The following POFUT3 variants were observed in gnomAD, a reference collection of about 807,000 sequenced individuals.
POFUT3 encodes the protein protein O-fucosyltransferase 3.
At chr8:33,320,815 C>G in the POFUT3 span, among the ~76,000 whole-genome samples, 1 of 152,070 alleles carries the variant, frequency 6.6e-6, no homozygotes, top group Admixed American at 6.6e-5. Flanking sequence ...GAAAACCAAG[C>G]ATTCCAGGAG....
chr8:33,311,600 T>C, the POFUT3 span, among the ~76,000 whole-genome samples: 1 of 152,198 alleles, frequency 6.6e-6, no homozygotes, highest in South Asian at 2.1e-4. Context: ...TATTTTTATG[T>C]TAATGTCGGT....
At chr8:33,453,510 C>A in the POFUT3 span, 1 of 1,590,922 alleles carries the variant, frequency 6.3e-7, no homozygotes. Flanking sequence ...TCAACCATGA[C>A]CTAAAAGAGA....
chr8:33,369,155 T>G, the POFUT3 span, among the ~76,000 whole-genome samples: 1 of 152,224 alleles, frequency 6.6e-6, no homozygotes, highest in South Asian at 2.1e-4. Flanking sequence ...AAGCATCTAT[T>G]GAGCAAAGTG....
the POFUT3 span, among the ~76,000 whole-genome samples, chr8:33,344,136 G>A: frequency 6.6e-6 from 1 of 152,138 alleles, no homozygotes; most frequent in Non-Finnish European, 1.5e-5. Context: ...AAAATTTCCA[G>A]GGGTAATCAC....
At chr8:33,451,535 CATATGTATGCATAA>C in the POFUT3 span, among the ~76,000 whole-genome samples, 1 of 150,938 alleles carries the variant, frequency 6.6e-6, no homozygotes, top group South Asian at 2.1e-4. Flanking sequence ...TATGCATATG[CATATGTATGCATAA>C]ATGTGTATGT....
At chr8:33,418,221 A>G in the POFUT3 span, among the ~76,000 whole-genome samples, 1 of 152,150 alleles carries the variant, frequency 6.6e-6, no homozygotes, top group Non-Finnish European at 1.5e-5. Flanking sequence ...TGAGCCACAG[A>G]CAATGATCCC....
the POFUT3 span, among the ~76,000 whole-genome samples, chr8:33,319,950 T>C: frequency 2.0e-5 from 3 of 149,988 alleles, no homozygotes; most frequent in Admixed American, 1.4e-4. Flanking sequence ...GAATTCATGA[T>C]TCATGGAATG....
the POFUT3 span, among the ~76,000 whole-genome samples, chr8:33,319,008 T>C: frequency 2.2e-5 from 1 of 44,996 alleles, no homozygotes; most frequent in African/African-American, 1.3e-4. Context: ...TTTACATATA[T>C]TTATATAATA....
At chr8:33,381,526 A>T in the POFUT3 span, among the ~76,000 whole-genome samples, 1 of 152,334 alleles carries the variant, frequency 6.6e-6, no homozygotes, top group Non-Finnish European at 1.5e-5. Context: ...CAAAGAAAGG[A>T]CATGTAAGGT....
At chr8:33,434,844 G>A in the POFUT3 span, among the ~76,000 whole-genome samples, 2 of 152,322 alleles carry the variant, frequency 1.3e-5, no homozygotes, top group East Asian at 1.9e-4. Context: ...ACAGGGCCTT[G>A]TTGCCTCCTG....
chr8:33,377,231 CAA>C, the POFUT3 span, among the ~76,000 whole-genome samples: 13 of 103,472 alleles, frequency 1.3e-4, no homozygotes, highest in Non-Finnish European at 4.1e-5. Flanking sequence ...GACTCTGTCT[CAA>C]AAAAAAAAAA....
At chr8:33,399,274 T>C in the POFUT3 span, among the ~76,000 whole-genome samples, 1 of 152,246 alleles carries the variant, frequency 6.6e-6, no homozygotes, top group Non-Finnish European at 1.5e-5. Flanking sequence ...GTACTTATTC[T>C]TTCAATTACT....
At chr8:33,309,377 T>TGTGTGTGTGTGTGTGTG in the POFUT3 span, among the ~76,000 whole-genome samples, 414 of 146,242 alleles carry the variant, frequency 2.8e-3, 1 homozygote, top group African/African-American at 0.01. Context: ...GTGTGTGTGT[T>TGTGTGTGTGTGTGTGTG]TTTCTCCCCT....
chr8:33,318,612 TG>T, the POFUT3 span, among the ~76,000 whole-genome samples: 6 of 91,796 alleles, frequency 6.5e-5, no homozygotes, highest in South Asian at 1.1e-3. Flanking sequence ...ATAAATATAT[TG>T]TATATATATT....
At chr8:33,364,896 T>C in the POFUT3 span, among the ~76,000 whole-genome samples, 1 of 152,152 alleles carries the variant, frequency 6.6e-6, no homozygotes, top group African/African-American at 2.4e-5. Context: ...CTTCACAGAA[T>C]TGGAAAAACC....
chr8:33,390,120 C>T, the POFUT3 span, among the ~76,000 whole-genome samples: 48 of 152,052 alleles, frequency 3.2e-4, no homozygotes, highest in Admixed American at 2.9e-3. Flanking sequence ...CACTTGAACC[C>T]GGGAGGTGAA....
the POFUT3 span, among the ~76,000 whole-genome samples, chr8:33,463,511 A>G: frequency 2.6e-5 from 4 of 152,118 alleles, no homozygotes; most frequent in African/African-American, 9.7e-5. Flanking sequence ...TCTCAAAAAA[A>G]AAAAAAGGTG....
the POFUT3 span, among the ~76,000 whole-genome samples, chr8:33,319,034 C>T: frequency 3.0e-5 from 1 of 33,136 alleles, no homozygotes; most frequent in Non-Finnish European, 4.4e-5. Flanking sequence ...ATATATTTTA[C>T]ATATATTTAT....
At chr8:33,354,296 T>C in the POFUT3 span, among the ~76,000 whole-genome samples, 1 of 152,144 alleles carries the variant, frequency 6.6e-6, no homozygotes, top group Non-Finnish European at 1.5e-5. Context: ...AGTCCTACCA[T>C]CTGTTCCACA....
Sources: gnomAD v4.1 joint callset for allele counts (sites outside exome capture counted in the v4.1 genomes callset) on GRCh38, gnomAD v4.1.1 for gene constraint, MANE v1.5 for transcripts, NCBI Gene and HGNC (gene_info 2026-07-23, HGNC 2026-07-21) for gene names.